CDK5RAP2: variants seen among roughly 807,000 people sequenced by gnomAD.
The protein encoded by CDK5RAP2 is CDK5 regulatory subunit-associated protein 2.
Under a neutral mutation model 232.9 loss-of-function variants are expected in CDK5RAP2, and 147 were observed. The ratio of observed to expected loss-of-function variants is 0.63; its 90% confidence interval spans 0.55 to 0.72. CDK5RAP2 has a LOEUF of 0.72. Among genes scored for constraint, CDK5RAP2 ranks in the 30% least tolerant of loss-of-function variants. The pLI is 0.00. For missense variants in CDK5RAP2, 2,195 were observed against 2,231.5 expected (o/e 0.98, Z 0.33); for synonymous variants, 833 against 833.7 (o/e 1.00, Z 0.01).
intron 11 of CDK5RAP2, among the ~76,000 whole-genome samples, chr9:120,521,836 T>C (rs958447616): frequency 6.6e-5 from 10 of 151,858 alleles, no homozygotes; most frequent in Non-Finnish European, 1.3e-4. Flanking sequence ...TAGTAGATAC[T>C]GGGTTTCGCC....
At chr9:120,400,320 A>C (rs1170894378) in intron 35 of CDK5RAP2, among the ~76,000 whole-genome samples, 1 of 152,282 alleles carries the variant, frequency 6.6e-6, no homozygotes, top group Non-Finnish European at 1.5e-5. Context: ...CAGAAGGTCC[A>C]GAAAAAGGCA....
intron 5 of CDK5RAP2, among the ~76,000 whole-genome samples, chr9:120,542,182 C>T (rs951800611): frequency 6.6e-6 from 1 of 152,198 alleles, no homozygotes; most frequent in Non-Finnish European, 1.5e-5. Context: ...CACAGACATA[C>T]TGCTGGGTGC....
rs536705431 is a variant in CDK5RAP2, at chr9:120,439,275, C to T, written c.3722+124G>A. 9 of 907,646 alleles carry T rather than the reference C, an allele frequency of 9.9e-6. No individual in the cohort carries two copies. In the African/African-American group the frequency reaches 1.3e-4, roughly 13 times the overall value. 56.2% of individuals were successfully genotyped at this position (907,646 alleles called of 1,614,324 possible). ...TGGCTGCCTGAACCCCACCATCAAG[C>T]CTTCCCCAGAACACACTCTACCCAT... On this transcript the variant is annotated intron_variant, in intron 24 of 37. Coordinates refer to ENST00000349780, the MANE Select transcript of CDK5RAP2 (RefSeq NM_018249.6).
chr9:120,438,269 G>A (rs2035700633), intron 24 of CDK5RAP2, among the ~76,000 whole-genome samples: 1 of 152,136 alleles, frequency 6.6e-6, no homozygotes, highest in Non-Finnish European at 1.5e-5. Flanking sequence ...ATGTAAACTG[G>A]CCACAATAAC....
chr9:120,397,003 G>A (rs768913678), intron 35 of CDK5RAP2, among the ~76,000 whole-genome samples: 2 of 152,098 alleles, frequency 1.3e-5, no homozygotes, highest in Non-Finnish European at 2.9e-5. Flanking sequence ...CAAGATTTCC[G>A]CAAGGGATCA....
At chr9:120,518,156 A>T (rs1173112841) in intron 12 of CDK5RAP2, among the ~76,000 whole-genome samples, 1 of 143,660 alleles carries the variant, frequency 7.0e-6, no homozygotes, top group African/African-American at 2.6e-5. Flanking sequence ...TTTCAACTCG[A>T]TAACAACTCT....
intron 12 of CDK5RAP2, among the ~76,000 whole-genome samples, chr9:120,512,664 C>T (rs1034749086): frequency 2.0e-5 from 3 of 152,160 alleles, no homozygotes; most frequent in African/African-American, 7.2e-5. Context: ...ATAGCAACAG[C>T]GTAGTATCTT....
intron 18 of CDK5RAP2, 174 bp from the exon 19 acceptor site, chr9:120,460,841 G>A (rs943700997): frequency 9.5e-7 from 1 of 1,047,784 alleles, no homozygotes; most frequent in East Asian, 2.7e-5. Flanking sequence ...GGTTAGAGTT[G>A]CTAGTTGTGG....
chr9:120,431,222 C>G (rs2035267062), intron 25 of CDK5RAP2, among the ~76,000 whole-genome samples: 1 of 152,110 alleles, frequency 6.6e-6, no homozygotes, highest in South Asian at 2.1e-4. Flanking sequence ...TGTAACTAAC[C>G]TGCACATTGC....
Position 120,524,324 on chromosome 9 carries a change from A to G in CDK5RAP2, c.1092+662T>C, listed in dbSNP as rs139950882. On this transcript the variant is annotated intron_variant, in intron 11 of 37. Transcript: ENST00000349780. Reference sequence around the variant, plus strand: ...CTAACTGTGTGACAGTGAATAAGCTACACATGCTCCTGAGCCTCAAAACCT... The same window carrying G: ...CTAACTGTGTGACAGTGAATAAGCTGCACATGCTCCTGAGCCTCAAAACCT... Among the ~76,000 whole-genome samples, 422 of 152,310 alleles carry G rather than the reference A, an allele frequency of 2.8e-3. 3 individuals are homozygous for G. Among genetic ancestry groups the G allele is most frequent in the African/African-American group, 9.3e-3 (387 of 41,562 alleles).
chr9:120,526,409 C>T (rs138301000), intron 10 of CDK5RAP2, among the ~76,000 whole-genome samples: 96 of 152,328 alleles, frequency 6.3e-4, no homozygotes, highest in Middle Eastern at 6.8e-3. Flanking sequence ...AGCCAGACAC[C>T]TAGAAGTCTT....
At chr9:120,464,519 T>G (rs755801651) in intron 18 of CDK5RAP2, among the ~76,000 whole-genome samples, 1 of 152,214 alleles carries the variant, frequency 6.6e-6, no homozygotes, top group Non-Finnish European at 1.5e-5. Context: ...TTTTCAGGAT[T>G]ACCTCTGGTC....
intron 35 of CDK5RAP2, among the ~76,000 whole-genome samples, chr9:120,397,566 GAA>G (rs1296378886): frequency 1.1e-3 from 104 of 94,254 alleles, no homozygotes; most frequent in Non-Finnish European, 1.8e-3. Context: ...AAAAAAAAAA[GAA>G]AAAAGAAAAA....
At chr9:120,395,188 T>C (rs1417501605) in intron 35 of CDK5RAP2, among the ~76,000 whole-genome samples, 2 of 152,218 alleles carry the variant, frequency 1.3e-5, no homozygotes, top group Admixed American at 1.3e-4. Context: ...ACACGTCCTG[T>C]ATAAAAGGCA....
In CDK5RAP2 at chr9:120,419,825, T is replaced by C. The variant is rs1213352661; in HGVS notation, c.4140A>G (p.Thr1380=). Residue 1380 remains threonine (T), a synonymous_variant, in exon 27 of 38, where the codon ACA becomes ACG. Transcript: ENST00000349780. ...FSRDQKQDNE[T]EKTSVMVNSF... ...TGTTCACCATAACTGAAGTCTTCTC[T>C]GTCTCATTATCTTGCTTCTGGTCTC... The C allele has an allele frequency of 6.2e-7, 1 of 1,614,108 alleles. No individual in the cohort carries two copies. Among genetic ancestry groups the C allele is most frequent in the Non-Finnish European group, 8.5e-7 (1 of 1,179,926 alleles).
chr9:120,569,673 T>A (rs1216117699), intron 2 of CDK5RAP2, among the ~76,000 whole-genome samples: 1 of 152,148 alleles, frequency 6.6e-6, no homozygotes, highest in African/African-American at 2.4e-5. Flanking sequence ...ACAGACTGTA[T>A]ACGGTTTTTA....
At chr9:120,560,410 C>T (rs1200008874) in intron 3 of CDK5RAP2, among the ~76,000 whole-genome samples, 1 of 152,196 alleles carries the variant, frequency 6.6e-6, no homozygotes, top group Non-Finnish European at 1.5e-5. Context: ...CCCACCCATA[C>T]TGCTGTCTCA....
intron 12 of CDK5RAP2, among the ~76,000 whole-genome samples, chr9:120,502,998 T>G (rs1256166800): frequency 2.0e-5 from 3 of 152,152 alleles, no homozygotes; most frequent in African/African-American, 7.2e-5. Context: ...GAAAGAGAAC[T>G]AAGGCCCACA....
chr9:120,563,421 A>T (rs1451854313), intron 3 of CDK5RAP2, among the ~76,000 whole-genome samples: 1 of 152,240 alleles, frequency 6.6e-6, no homozygotes, highest in Non-Finnish European at 1.5e-5. Flanking sequence ...AGAAGGATGT[A>T]CAGAAACTGA....
Sources: allele counts gnomAD v4.1 joint callset (sites outside exome capture counted in the v4.1 genomes callset), GRCh38; gene constraint gnomAD v4.1.1; transcripts MANE v1.5; gene names NCBI Gene and HGNC (gene_info 2026-07-23, HGNC 2026-07-21).